The following NSUN6 variants were observed in gnomAD, a reference collection of about 807,000 sequenced individuals.
NSUN6 encodes NOP2/Sun RNA methyltransferase 6.
Under a neutral mutation model 58.0 loss-of-function variants are expected in NSUN6, and 64 were observed. That is an observed-to-expected ratio of 1.10 (90% CI 0.90 to 1.36). The LOEUF (loss-of-function observed/expected upper bound fraction) is 1.36, where lower values mean the gene tolerates loss of function less well. NSUN6 is among the 40% of genes most tolerant of loss of function. NSUN6 has a pLI of 0.00. For synonymous variants in NSUN6, 231 were observed against 193.9 expected (o/e 1.19, Z -1.59); for missense variants, 701 against 550.1 (o/e 1.27, Z -2.74).
intron 3 of NSUN6, among the ~76,000 whole-genome samples, chr10:18,636,636 G>A (rs1184152840): frequency 6.6e-6 from 1 of 151,982 alleles, no homozygotes; most frequent in Non-Finnish European, 1.5e-5. Flanking sequence ...GCTCATGCCT[G>A]TAATCCCAGC....
chr10:18,577,939 C>T (rs12772534), intron 8 of NSUN6, among the ~76,000 whole-genome samples: 92,102 of 152,102 alleles, frequency 0.61, 28,381 homozygotes, highest in East Asian at 0.97. Flanking sequence ...AGGAGCCATA[C>T]GCGTAAGGGA....
At chr10:18,549,500 A>G (rs182234792) in intron 9 of NSUN6, among the ~76,000 whole-genome samples, 1 of 152,250 alleles carries the variant, frequency 6.6e-6, no homozygotes, top group Admixed American at 6.5e-5. Context: ...CCATTGCATT[A>G]TTGCCTTCTA....
chr10:18,548,553 C>A (rs780699881), intron 9 of NSUN6, among the ~76,000 whole-genome samples: 10 of 152,140 alleles, frequency 6.6e-5, no homozygotes, highest in Non-Finnish European at 1.5e-4. Flanking sequence ...GCCACATCAA[C>A]TTGTTAAATT....
intron 6 of NSUN6, among the ~76,000 whole-genome samples, chr10:18,600,498 A>ACCT (rs1362322540): frequency 1.3e-5 from 2 of 152,050 alleles, no homozygotes; most frequent in African/African-American, 4.8e-5. Flanking sequence ...AGTACTGTGT[A>ACCT]CCTATAGTAC....
chr10:18,548,318 G>T, intron 9 of NSUN6, 81 bp from the exon 10 acceptor site: 1 of 1,212,432 alleles, frequency 8.2e-7, no homozygotes, highest in Non-Finnish European at 1.2e-6. Flanking sequence ...AAGGTATAAT[G>T]TCTTTCAAAT....
chr10:18,630,577 C>T (rs1298797622), intron 3 of NSUN6, among the ~76,000 whole-genome samples: 13 of 152,106 alleles, frequency 8.5e-5, no homozygotes, highest in Admixed American at 7.9e-4. Flanking sequence ...GGGGATATCA[C>T]CACCAATCCC....
chr10:18,548,030 C>G (rs2054387728), intron 10 of NSUN6, 82 bp downstream of exon 10: 13 of 1,372,076 alleles, frequency 9.5e-6, no homozygotes, highest in Non-Finnish European at 1.3e-5. Context: ...TTACTTATCT[C>G]TTCGTTAACA....
upstream of NSUN6, among the ~76,000 whole-genome samples, chr10:18,655,443 G>C (rs2059766691): frequency 6.6e-6 from 1 of 152,176 alleles, no homozygotes; most frequent in African/African-American, 2.4e-5. Context: ...AATGGTACTA[G>C]AACAAAGTCC....
intron 8 of NSUN6, among the ~76,000 whole-genome samples, chr10:18,583,191 CTT>C (rs1478444285): frequency 6.6e-6 from 1 of 152,182 alleles, no homozygotes; most frequent in South Asian, 2.1e-4. Flanking sequence ...GACAATAAGT[CTT>C]AGGATCTCTC....
chr10:18,646,591 TC>T (rs1397722160), intron 2 of NSUN6, among the ~76,000 whole-genome samples: 1 of 152,038 alleles, frequency 6.6e-6, no homozygotes, highest in Admixed American at 6.6e-5. Context: ...ACGCCTGTAA[TC>T]CCAGCAGTTT....
chr10:18,650,651 G>A (rs755324862), intron 1 of NSUN6, among the ~76,000 whole-genome samples: 1 of 152,064 alleles, frequency 6.6e-6, no homozygotes, highest in Admixed American at 6.5e-5. Flanking sequence ...ACAATTCCTT[G>A]AGCAGTTTTC....
chr10:18,580,010 T>C (rs777090083), intron 8 of NSUN6, among the ~76,000 whole-genome samples: 1 of 152,146 alleles, frequency 6.6e-6, no homozygotes, highest in Non-Finnish European at 1.5e-5. Context: ...TTCGCACCTG[T>C]AACTACACCT....
In NSUN6 at chr10:18,651,145, C is replaced by G. The variant is rs571307120; in HGVS notation, c.59G>C (p.Gly20Ala). 1.3e-6 allele frequency: 2 copies of G among 1,576,174 alleles called. No homozygotes were observed. The highest frequency in any genetic ancestry group is 2.3e-5 in the East Asian group (1 of 43,032). The change falls in exon 1 of 11, where the codon GGC becomes GCC. Residue 20 changes from glycine (G) to alanine (A), a missense_variant. Coordinates refer to ENST00000377304, the MANE Select transcript of NSUN6 (RefSeq NM_182543.5). ...RPEVENYLKE[G>A]FMNKEIVTAL... ...TTGACCTACCTCCTTATTCATAAAG[C>G]CTTCCTTAAGATAGTTTTCAACCTC... is the stretch of plus-strand genomic sequence containing the variant.
At chr10:18,564,361 T>C (rs1228302269) in intron 8 of NSUN6, among the ~76,000 whole-genome samples, 1 of 151,096 alleles carries the variant, frequency 6.6e-6, no homozygotes. Flanking sequence ...CTCCATCTGT[T>C]ACATTCTCCA....
upstream of NSUN6, chr10:18,652,400 TTTA>T (rs904748660): frequency 1.0e-5 from 10 of 984,566 alleles, no homozygotes; most frequent in African/African-American, 7.0e-5. Context: ...GAAAGGGTTT[TTTA>T]TTGTTTTTTT....
At chr10:18,552,170 G>C (rs1163295990) in intron 8 of NSUN6, among the ~76,000 whole-genome samples, 199 bp from the exon 9 acceptor site, 9 of 63,282 alleles carry the variant, frequency 1.4e-4, no homozygotes, top group Admixed American at 1.3e-3. Flanking sequence ...TTAAAATGTA[G>C]TTATAGTTGA....
chr10:18,559,513 T>C (rs1264135999), intron 8 of NSUN6, among the ~76,000 whole-genome samples: 2 of 145,938 alleles, frequency 1.4e-5, no homozygotes, highest in African/African-American at 5.1e-5. Context: ...GAGAGTAGAA[T>C]GGATTGGAAT....
intron 3 of NSUN6, among the ~76,000 whole-genome samples, chr10:18,641,826 T>C (rs1228496797): frequency 6.6e-6 from 1 of 152,192 alleles, no homozygotes; most frequent in Non-Finnish European, 1.5e-5. Context: ...CCCAATACTT[T>C]GAGAGGCTAA....
At chr10:18,623,096 C>A (rs1349780641) in intron 3 of NSUN6, among the ~76,000 whole-genome samples, 1 of 152,118 alleles carries the variant, frequency 6.6e-6, no homozygotes, top group Non-Finnish European at 1.5e-5. Flanking sequence ...TTCACCAGTA[C>A]ATGAAACCTC....
Sources: gnomAD v4.1 joint callset for allele counts (sites outside exome capture counted in the v4.1 genomes callset) on GRCh38, gnomAD v4.1.1 for gene constraint, MANE v1.5 for transcripts, NCBI Gene and HGNC (gene_info 2026-07-23, HGNC 2026-07-21) for gene names.